Variants in SAXO1 observed in about 807,000 individuals in gnomAD.
SAXO1 encodes the protein stabilizer of axonemal microtubules 1, also known as 4930500O09Rik.
In SAXO1, 21 loss-of-function variants were observed where a neutral mutation model predicts 17.5. That is an observed-to-expected ratio of 1.20 (90% confidence interval 0.85 to 1.72). The LOEUF is 1.72. Among genes scored for constraint, SAXO1 ranks in the 40% most tolerant of loss-of-function variants. The pLI is 0.00. For synonymous variants in SAXO1, 274 were observed against 216.5 expected, an observed-to-expected ratio of 1.27 and a Z score of -2.33; for missense variants, 843 against 596.0, an observed-to-expected ratio of 1.41 and a Z score of -4.32.
In SAXO1 at chr9:18,927,907, T is replaced by C; in HGVS notation, c.*145A>G. Reference sequence around the variant, plus strand: ...TTTTCCCTGAGTCAAGTGATTCTCATTTTATTCAAGTGCTCTGGAAGTGGT... The same window carrying C: ...TTTTCCCTGAGTCAAGTGATTCTCACTTTATTCAAGTGCTCTGGAAGTGGT... On this transcript the variant is annotated 3_prime_UTR_variant, in exon 4 of 4. Transcript: ENST00000380534. The C allele has an allele frequency of 1.2e-6, 1 of 855,876 alleles. No individual in the cohort carries two copies. The highest frequency in any genetic ancestry group is 2.3e-5 in the South Asian group (1 of 43,668). 53.0% of individuals were successfully genotyped at this position (855,876 alleles called of 1,614,324 possible).
At chr9:19,002,429 G>C (rs948315503) in intron 1 of SAXO1, among the ~76,000 whole-genome samples, 9 of 152,196 alleles carry the variant, frequency 5.9e-5, no homozygotes, top group African/African-American at 9.7e-5. Context: ...AAGCCTGGCA[G>C]AGACACAACA....
chr9:19,027,216 A>C, intron 1 of SAXO1: 1 of 1,195,554 alleles, frequency 8.4e-7, no homozygotes, highest in South Asian at 1.2e-5. Context: ...TGCTGTGATC[A>C]AAACCTCTAC....
upstream of SAXO1, among the ~76,000 whole-genome samples, chr9:19,038,229 C>T (rs1394540446): frequency 6.6e-6 from 1 of 152,114 alleles, no homozygotes; most frequent in Admixed American, 6.5e-5. Flanking sequence ...ACTAGAAATA[C>T]CATTTGACCC....
intron 1 of SAXO1, among the ~76,000 whole-genome samples, chr9:18,959,703 G>A (rs1373763538): frequency 3.9e-5 from 6 of 151,942 alleles, no homozygotes; most frequent in Admixed American, 6.6e-5. Flanking sequence ...CCAGGGAGGC[G>A]GAGGTTGCAA....
rs545557569 is a variant in SAXO1 at position 19,023,680 on chromosome 9, A to C, written c.38+9191T>G. On this transcript the variant is annotated intron_variant, in intron 1 of 3. Coordinates refer to ENST00000380534, the MANE Select transcript of SAXO1 (RefSeq NM_153707.4). ...AATGGAATGGAGATAATATATCTTT[A>C]AGGAAATATTAGCAAACTACAAATC... Among the ~76,000 whole-genome samples, 31 of 152,348 alleles carry C rather than the reference A, an allele frequency of 2.0e-4. No individual in the cohort carries two copies. In the South Asian group the frequency reaches 6.0e-3, roughly 29 times the overall value.
At chr9:18,960,178 G>C (rs1176731523) in intron 1 of SAXO1, among the ~76,000 whole-genome samples, 1 of 152,180 alleles carries the variant, frequency 6.6e-6, no homozygotes, top group East Asian at 1.9e-4. Context: ...AGATTAATTA[G>C]AGAAACCTCT....
intron 1 of SAXO1, among the ~76,000 whole-genome samples, chr9:18,965,590 A>G (rs1554672549): frequency 7.2e-6 from 1 of 138,356 alleles, no homozygotes; most frequent in Non-Finnish European, 1.5e-5. Flanking sequence ...TTTTCTTTCC[A>G]TTTGCTTGGT....
At chr9:19,026,903 G>A in intron 1 of SAXO1, 1 of 744,040 alleles carries the variant, frequency 1.3e-6, no homozygotes, top group East Asian at 2.9e-5. Context: ...TGGCAACCGT[G>A]TGGGATGAGG....
chr9:18,995,713 A>C (rs1014028318), intron 1 of SAXO1, among the ~76,000 whole-genome samples: 1 of 152,244 alleles, frequency 6.6e-6, no homozygotes, highest in African/African-American at 2.4e-5. Context: ...CTGCACATTC[A>C]TACCAAACAC....
At chr9:18,971,989 G>T (rs1832960974) in intron 1 of SAXO1, among the ~76,000 whole-genome samples, 1 of 152,098 alleles carries the variant, frequency 6.6e-6, no homozygotes, top group Non-Finnish European at 1.5e-5. Context: ...AAAACAAGAA[G>T]ATTTCTAGTA....
chr9:18,985,777 A>G (rs367978892), intron 1 of SAXO1, among the ~76,000 whole-genome samples: 5 of 152,240 alleles, frequency 3.3e-5, no homozygotes, highest in African/African-American at 9.6e-5. Flanking sequence ...ATTTTGATAC[A>G]TTCCTTAGCA....
At chr9:19,011,021 G>C (rs1834710376) in intron 1 of SAXO1, among the ~76,000 whole-genome samples, 1 of 152,144 alleles carries the variant, frequency 6.6e-6, no homozygotes, top group Non-Finnish European at 1.5e-5. Context: ...TCTAACTCCA[G>C]AGTCTCTAAC....
chr9:19,034,904 A>G (rs1003956738), upstream of SAXO1, among the ~76,000 whole-genome samples: 1 of 152,218 alleles, frequency 6.6e-6, no homozygotes, highest in Non-Finnish European at 1.5e-5. Context: ...ATGCCTGTTC[A>G]TGCCCCCTGC....
At chr9:18,960,204 T>C (rs1832428589) in intron 1 of SAXO1, among the ~76,000 whole-genome samples, 2 of 152,156 alleles carry the variant, frequency 1.3e-5, no homozygotes, top group Admixed American at 6.5e-5. Context: ...AAGGTACAAT[T>C]GGTGAAGCCA....
chr9:19,012,274 T>A (rs1191950268), intron 1 of SAXO1, among the ~76,000 whole-genome samples: 2 of 152,262 alleles, frequency 1.3e-5, no homozygotes, highest in African/African-American at 4.8e-5. Flanking sequence ...CTCTCATCTA[T>A]ACCACTTACC....
At chr9:18,951,779 G>A (rs1319825174) in intron 1 of SAXO1, among the ~76,000 whole-genome samples, 2 of 152,128 alleles carry the variant, frequency 1.3e-5, no homozygotes, top group East Asian at 1.9e-4. Context: ...CTTGTTCACT[G>A]CTACACTGTA....
chr9:18,973,631 G>C (rs115171415), intron 1 of SAXO1, among the ~76,000 whole-genome samples: 2,214 of 152,292 alleles, frequency 0.015, 43 homozygotes, highest in African/African-American at 0.051. Flanking sequence ...TCTGTCAACT[G>C]ATTCCAGACC....
At chr9:18,997,803 C>T (rs977972882) in intron 1 of SAXO1, among the ~76,000 whole-genome samples, 2 of 152,180 alleles carry the variant, frequency 1.3e-5, no homozygotes, top group Admixed American at 6.5e-5. Context: ...GTTCTGAAGC[C>T]TCTGCTGGTG....
chr9:18,988,110 T>C (rs143427951), intron 1 of SAXO1, among the ~76,000 whole-genome samples: 6 of 152,280 alleles, frequency 3.9e-5, no homozygotes, highest in African/African-American at 1.4e-4. Context: ...AGCAGGCCCT[T>C]ACAGCTTATT....
Sources: allele counts gnomAD v4.1 joint callset (sites outside exome capture counted in the v4.1 genomes callset), GRCh38; gene constraint gnomAD v4.1.1; transcripts MANE v1.5; gene names NCBI Gene and HGNC (gene_info 2026-07-23, HGNC 2026-07-21).